SLCO1A2: variants seen among roughly 807,000 people sequenced by gnomAD.
SLCO1A2 encodes the protein OATP-1.
Under a neutral mutation model 69.0 loss-of-function variants are expected in SLCO1A2, and 67 were observed. The ratio of observed to expected loss-of-function variants is 0.97; its 90% CI spans 0.80 to 1.19. The LOEUF (loss-of-function observed/expected upper bound fraction) is 1.19. Among genes scored for constraint, SLCO1A2 ranks in the 50% most tolerant of loss-of-function variants. SLCO1A2 has a pLI of 0.00. For missense variants in SLCO1A2, 787 were observed against 793.7 expected, an observed-to-expected ratio of 0.99 and a Z score of 0.10; for synonymous variants, 260 against 265.9, an observed-to-expected ratio of 0.98 and a Z score of 0.22.
chr12:21,314,588 C>G lies in SLCO1A2; in HGVS notation c.296G>C (p.Gly99Ala). 6.2e-7 allele frequency: 1 copy of G among 1,614,074 alleles called. No homozygotes were observed. Among genetic ancestry groups the G allele is most frequent in the South Asian group, 1.1e-5 (1 of 91,074 alleles). The part of the protein sequence containing the change: ...IGIGCVVMGL[G>A]CFLKSLPHFL... ...ATGAGGTAGTGATTTTAAGAAACAG[C>G]CTAAGCCCATAACCACACATCCAAT... The change falls in exon 4 of 15, where the codon GGC becomes GCC. Residue 99 changes from glycine to alanine, a missense_variant. By Grantham distance (60) the Gly-to-Ala change is moderately conservative. Coordinates refer to ENST00000683939, the MANE Select transcript of SLCO1A2 (RefSeq NM_001386879.1).
At chr12:21,382,814 GAAAAGAAACGAA>G (rs1464492895) in intron 1 of SLCO1A2, among the ~76,000 whole-genome samples, 1 of 146,164 alleles carries the variant, frequency 6.8e-6, no homozygotes, top group African/African-American at 2.5e-5. Context: ...AAAAAAGAAA[GAAAAGAAACGAA>G]AAAAGAAAGA....
In SLCO1A2 at chr12:21,269,826, A is replaced by G. The variant is rs530491330; in HGVS notation, c.1794-59T>C. The G allele has an allele frequency of 4.1e-5, 53 of 1,303,434 alleles. No homozygotes were observed. In the African/African-American group the frequency reaches 6.5e-4, roughly 16 times the overall value. 80.7% of individuals were successfully genotyped at this position (1,303,434 alleles called of 1,614,324 possible). On this transcript the variant is annotated intron_variant, in intron 14 of 14. Transcript: ENST00000683939. The stretch of plus-strand genomic sequence containing the variant: ...TACATAGTGTGGTTAGTGCAAACTA[A>G]ATTTGTATATCTTTGTATTTTATTC...
intron 8 of SLCO1A2, 116 bp downstream of exon 8, chr12:21,300,232 G>A (rs1399505611): frequency 3.1e-6 from 2 of 652,906 alleles, no homozygotes; most frequent in East Asian, 2.9e-5. Context: ...ACTGGTGACT[G>A]TTGATGACAA....
At chr12:21,418,952 A>C (rs1228113352), upstream of SLCO1A2, among the ~76,000 whole-genome samples, 1 of 152,186 alleles carries the variant, frequency 6.6e-6, no homozygotes, top group East Asian at 1.9e-4. Flanking sequence ...ATTTAGTAGC[A>C]CACAAAAATT....
chr12:21,284,023 A>G (rs959338835), intron 12 of SLCO1A2, among the ~76,000 whole-genome samples: 12 of 152,190 alleles, frequency 7.9e-5, no homozygotes, highest in Non-Finnish European at 1.8e-4. Flanking sequence ...AAAACTCAAA[A>G]TAGAGCTACC....
chr12:21,400,604 A>G (rs1188644219), intron 1 of SLCO1A2, among the ~76,000 whole-genome samples: 1 of 151,846 alleles, frequency 6.6e-6, no homozygotes, highest in Non-Finnish European at 1.5e-5. Context: ...TCTATTCACA[A>G]TAGCAAAGAC....
chr12:21,342,535 C>A (rs1285412019), intron 2 of SLCO1A2, among the ~76,000 whole-genome samples: 1 of 151,832 alleles, frequency 6.6e-6, no homozygotes, highest in Non-Finnish European at 1.5e-5. Context: ...ACAAATATGA[C>A]ATAATGTCAT....
At chr12:21,282,515 T>G (rs1173476816) in intron 12 of SLCO1A2, among the ~76,000 whole-genome samples, 1 of 152,086 alleles carries the variant, frequency 6.6e-6, no homozygotes, top group Non-Finnish European at 1.5e-5. Context: ...AAGCCCTTAT[T>G]CTGTAATCTG....
At chr12:21,397,496 C>T (rs954764421), upstream of SLCO1A2, among the ~76,000 whole-genome samples, 10 of 151,736 alleles carry the variant, frequency 6.6e-5, no homozygotes, top group East Asian at 1.9e-4. Flanking sequence ...TACCCAGGAA[C>T]TGAACTCAGC....
upstream of SLCO1A2, among the ~76,000 whole-genome samples, chr12:21,335,536 A>C (rs1439746541): frequency 6.6e-6 from 1 of 152,084 alleles, no homozygotes; most frequent in Non-Finnish European, 1.5e-5. Context: ...AAACTAAGGC[A>C]ATAATTTGTA....
At chr12:21,275,543 A>T (rs1224648603) in intron 12 of SLCO1A2, 119 bp from the exon 13 acceptor site, 16 of 1,044,792 alleles carry the variant, frequency 1.5e-5, no homozygotes, top group Non-Finnish European at 1.9e-5. Context: ...TTTTACTTTC[A>T]TGCTCACTTA....
At chr12:21,286,707 A>C in intron 12 of SLCO1A2, among the ~76,000 whole-genome samples, 1 of 110,106 alleles carries the variant, frequency 9.1e-6, no homozygotes, top group South Asian at 3.3e-4. Context: ...ATAACGCCGC[A>C]TACCTACAAC....
Position 21,265,786 on chromosome 12 carries a change from T to C in SLCO1A2, c.*3762A>G, listed in dbSNP as rs1389005466. The C allele has an allele frequency of 6.6e-6, 1 of 152,204 alleles. No homozygotes were observed. The highest frequency in any genetic ancestry group is 1.9e-4 in the East Asian group (1 of 5,184). The allele number at this position is 152,204 out of a possible 1,614,324, so 9.4% of individuals were successfully genotyped here. ...TTACCCTACTGCCTACTTGCCTCTT[T>C]TTCCTTTTCCCCTTGGTAATAAATT... is the stretch of plus-strand genomic sequence containing the variant. On this transcript the variant is annotated 3_prime_UTR_variant, in exon 15 of 15. Transcript: ENST00000683939.
At chr12:21,376,414 C>T in intron 1 of SLCO1A2, 1 of 238,112 alleles carries the variant, frequency 4.2e-6, no homozygotes, top group South Asian at 4.0e-5. Context: ...TAGTTCAATC[C>T]TTAAAGCATA....
At chr12:21,284,234 C>T (rs1945315121) in intron 12 of SLCO1A2, among the ~76,000 whole-genome samples, 10 of 151,992 alleles carry the variant, frequency 6.6e-5, no homozygotes, top group Admixed American at 6.6e-4. Flanking sequence ...TAATATTCAG[C>T]CATAAAAAAA....
At chr12:21,346,480 A>G (rs1214485800) in intron 2 of SLCO1A2, among the ~76,000 whole-genome samples, 2 of 152,154 alleles carry the variant, frequency 1.3e-5, no homozygotes, top group Non-Finnish European at 2.9e-5. Flanking sequence ...ATCAAGCCAT[A>G]ATTGTGAACT....
At chr12:21,375,769 T>A (rs2137103519) in intron 1 of SLCO1A2, among the ~76,000 whole-genome samples, 1 of 152,246 alleles carries the variant, frequency 6.6e-6, no homozygotes. Flanking sequence ...AATTTAAGAG[T>A]TATACTTTGG....
At chr12:21,316,288 C>A (rs1565494099) in intron 3 of SLCO1A2, among the ~76,000 whole-genome samples, 1 of 151,976 alleles carries the variant, frequency 6.6e-6, no homozygotes, top group Non-Finnish European at 1.5e-5. Flanking sequence ...GTATTTTAAG[C>A]CTCTCTCTCT....
intron 1 of SLCO1A2, among the ~76,000 whole-genome samples, chr12:21,412,161 A>T (rs562561494): frequency 3.3e-5 from 5 of 152,254 alleles, no homozygotes; most frequent in African/African-American, 1.2e-4. Flanking sequence ...CGGGCGGATC[A>T]CCTGAGGTCA....
Sources: gnomAD v4.1 joint callset for allele counts (sites outside exome capture counted in the v4.1 genomes callset) on GRCh38, gnomAD v4.1.1 for gene constraint, MANE v1.5 for transcripts, NCBI Gene and HGNC (gene_info 2026-07-23, HGNC 2026-07-21) for gene names.